Variants in LVRN observed in about 807,000 individuals in gnomAD.
LVRN encodes the protein aminopeptidase Q.
Under a neutral mutation model 111.4 loss-of-function variants are expected in LVRN, and 99 were observed. The observed-to-expected ratio is 0.89, with a 90% CI of 0.76 to 1.05. The LOEUF (loss-of-function observed/expected upper bound fraction) is 1.05, where lower values mean the gene tolerates loss of function less well. Among genes scored for constraint, LVRN ranks in the 50% least tolerant of loss-of-function variants. The pLI is 0.00. For missense variants in LVRN, 1,414 were observed against 1,206.8 expected, an observed-to-expected ratio of 1.17 and a Z score of -2.54; for synonymous variants, 488 against 449.5, an observed-to-expected ratio of 1.09 and a Z score of -1.08.
At position 116,014,448 on chromosome 5, in the gene LVRN, G is replaced by A. The variant is rs769881306; in HGVS notation, c.2371G>A (p.Ala791Thr). 37 of 1,612,610 alleles carry A rather than the reference G, an allele frequency of 2.3e-5. No homozygotes were observed. Among genetic ancestry groups the A allele is most frequent in the Admixed American group, 1.7e-4 (10 of 59,832 alleles). The change falls in exon 16 of 20, where the codon GCG becomes ACG. Residue 791 changes from alanine to threonine, a missense_variant. By Grantham distance (58) the Ala-to-Thr change is moderately conservative. Coordinates refer to ENST00000357872, the MANE Select transcript of LVRN (RefSeq NM_173800.5). ...LISLEKLFVT[A>T]CWLGLEDCLQ... Reference sequence around the variant, plus strand: ...ATCACTGGAAAAACTTTTTGTAACTGCGTGTTGGTTGGGCCTTGAAGACTG... The same window carrying A: ...ATCACTGGAAAAACTTTTTGTAACTACGTGTTGGTTGGGCCTTGAAGACTG...
rs888430430 is a variant in LVRN at position 116,026,452 on chromosome 5, T to G, written c.*334T>G. The G allele has an allele frequency of 1.9e-5, 6 of 324,196 alleles. No individual in the cohort carries two copies. In the East Asian group the frequency reaches 3.5e-4, roughly 19 times the overall value. The allele number at this position is 324,196 out of a possible 1,614,324, so 20.1% of individuals were successfully genotyped here. A position where few individuals can be genotyped will look rare whatever the true frequency, so the allele number is the denominator to read the frequency against. On this transcript the variant is annotated 3_prime_UTR_variant, in exon 20 of 20. Transcript: ENST00000357872. ...TGCGAAGGCCAGTGGAATATAAAAA[T>G]CAATGGCATTAATGAGGAGCACATT...
chr5:116,022,824 T>C (rs941847247), intron 19 of LVRN, among the ~76,000 whole-genome samples: 4 of 152,240 alleles, frequency 2.6e-5, no homozygotes, highest in Non-Finnish European at 5.9e-5. Flanking sequence ...TTTTGAAATA[T>C]TGTGATTAGC....
In LVRN at chr5:115,992,129, T is replaced by C. The variant is rs1189849969; in HGVS notation, c.1112T>C (p.Ile371Thr). The change falls in exon 5 of 20, where the codon ATT (isoleucine) becomes ACT (threonine). Residue 371 changes from isoleucine (I) to threonine (T), a missense_variant. Transcript: ENST00000357872. ...ISYSLPKTDI[I>T]ALPSFDNHAM... ...TCCATTTAAATCCACTTAGATATAA[T>C]TGCCTTGCCTAGTTTTGACAACCAT... 1 of 1,611,576 alleles carries C rather than the reference T, an allele frequency of 6.2e-7. No individual in the cohort carries two copies. The highest frequency in any genetic ancestry group is 1.3e-5 in the African/African-American group (1 of 74,852).
rs749424505 is a variant in LVRN, at chr5:116,015,327, G to C, written c.2526G>C (p.Leu842Phe). ...GAAGTGATAAAGAGTGGGACATCTT[G>C]TTAAATACTTACACTAATACAACAA... ...ALGSDKEWDILLNTYTNTTNK... is the reference protein window; with the variant it reads ...ALGSDKEWDIFLNTYTNTTNK... Residue 842 changes from leucine to phenylalanine, a missense_variant, in exon 17 of 20, where the codon TTG becomes TTC. Leu to Phe is a conservative substitution (Grantham distance 22, BLOSUM62 0). Transcript: ENST00000357872. The C allele has an allele frequency of 1.2e-6, 2 of 1,612,414 alleles. No homozygotes were observed. Among genetic ancestry groups the C allele is most frequent in the East Asian group, 2.2e-5 (1 of 44,790 alleles).
intron 1 of LVRN, among the ~76,000 whole-genome samples, chr5:115,964,719 C>T (rs1031613442): frequency 1.3e-5 from 2 of 152,078 alleles, no homozygotes; most frequent in African/African-American, 4.8e-5. Context: ...AGGGAAGTCC[C>T]GTTCAATTTT....
intron 1 of LVRN, chr5:115,975,054 T>C: frequency 3.1e-6 from 1 of 323,602 alleles, no homozygotes; most frequent in Non-Finnish European, 6.0e-6. Context: ...GTGGTGATCA[T>C]TATATTTGCT....
At chr5:116,013,999 C>T (rs185924113) in intron 15 of LVRN, among the ~76,000 whole-genome samples, 36 of 152,240 alleles carry the variant, frequency 2.4e-4, no homozygotes, top group African/African-American at 8.2e-4. Context: ...ATTCCCTTTC[C>T]CTTTCTTTTA....
intron 4 of LVRN, among the ~76,000 whole-genome samples, chr5:115,988,347 A>T (rs113630731): frequency 7.0e-6 from 1 of 143,232 alleles, no homozygotes. Flanking sequence ...TTTTTTTTTT[A>T]AATATCCATT....
At chr5:116,008,210 G>C (rs765000331) in intron 13 of LVRN, among the ~76,000 whole-genome samples, 1 of 152,134 alleles carries the variant, frequency 6.6e-6, no homozygotes, top group Non-Finnish European at 1.5e-5. Flanking sequence ...CAGGTGTGGT[G>C]GTGGGCACCT....
At chr5:116,004,892 A>T (rs9637900) in intron 12 of LVRN, among the ~76,000 whole-genome samples, 71,539 of 152,018 alleles carry the variant, frequency 0.47, 17,001 homozygotes, top group South Asian at 0.53. Flanking sequence ...AAACAAATTA[A>T]TGGGATTTTG....
At chr5:115,964,475 TG>T (rs1753160943) in intron 1 of LVRN, among the ~76,000 whole-genome samples, 1 of 152,256 alleles carries the variant, frequency 6.6e-6, no homozygotes, top group African/African-American at 2.4e-5. Context: ...AAAATAGTTT[TG>T]AAATTTTCTT....
At chr5:115,991,009 T>C (rs1426302513) in intron 4 of LVRN, among the ~76,000 whole-genome samples, 1 of 152,316 alleles carries the variant, frequency 6.6e-6, no homozygotes, top group East Asian at 1.9e-4. Context: ...ACATCTTGCA[T>C]TGGTGTGGTA....
chr5:115,979,874 A>G (rs1307247807), intron 1 of LVRN, among the ~76,000 whole-genome samples: 2 of 152,226 alleles, frequency 1.3e-5, no homozygotes, highest in African/African-American at 4.8e-5. Context: ...TACAAAGTTC[A>G]TAAAATAATT....
intron 13 of LVRN, 115 bp from the exon 14 acceptor site, chr5:116,010,626 C>T (rs1241096023): frequency 2.5e-5 from 28 of 1,111,702 alleles, no homozygotes; most frequent in Non-Finnish European, 3.6e-5. Context: ...CGTTTCTTGA[C>T]TTATTCACAT....
Position 116,010,749 on chromosome 5 carries a change from A to G in LVRN, c.2102A>G (p.Tyr701Cys). Reference protein sequence around the residue: ...DDAFSLSKNNYIEIETALELT... With the variant: ...DDAFSLSKNNCIEIETALELT... ...GTTTTTAAATCAAACAGAAACAATT[A>G]TATTGAGATTGAAACAGCACTTGAG... is the stretch of plus-strand genomic sequence containing the variant. Residue 701 changes from tyrosine to cysteine, a missense_variant, in exon 14 of 20, where the codon TAT becomes TGT. Tyr to Cys is a radical substitution (Grantham distance 194). Coordinates refer to ENST00000357872, the MANE Select transcript of LVRN (RefSeq NM_173800.5). 2 of 1,595,186 alleles carry G rather than the reference A, an allele frequency of 1.3e-6. No individual in the cohort carries two copies. Among genetic ancestry groups the G allele is most frequent in the Non-Finnish European group, 1.7e-6 (2 of 1,172,738 alleles).
At chr5:115,993,102 G>C (rs2112585905) in intron 5 of LVRN, among the ~76,000 whole-genome samples, 1 of 152,136 alleles carries the variant, frequency 6.6e-6, no homozygotes, top group Middle Eastern at 3.4e-3. Context: ...AGTAATTATA[G>C]CTGTTATAAG....
intron 1 of LVRN, among the ~76,000 whole-genome samples, chr5:115,979,051 C>G (rs540181787): frequency 6.6e-6 from 1 of 152,252 alleles, no homozygotes; most frequent in African/African-American, 2.4e-5. Context: ...AGCAGCGTAT[C>G]TCAAAGCTCC....
chr5:116,020,679 TG>T (rs1009576225), intron 18 of LVRN, among the ~76,000 whole-genome samples: 3 of 152,110 alleles, frequency 2.0e-5, no homozygotes, highest in African/African-American at 7.2e-5. Flanking sequence ...GTCCAAGCAC[TG>T]GGGGGCCTGT....
In LVRN at chr5:115,992,268, T is replaced by C. The variant is rs1748013902; in HGVS notation, c.1251T>C (p.Ile417=). 6.2e-7 allele frequency: 1 copy of C among 1,613,790 alleles called. No homozygotes were observed. Among genetic ancestry groups the C allele is most frequent in the Non-Finnish European group, 8.5e-7 (1 of 1,179,864 alleles). ...TLISYVVSHE[I]GHQWFGNLVT... is the part of the protein sequence containing the mutation. ...TCTCCTATGTTGTCTCCCACGAGAT[T>C]GGACACCAGGCATGTGGTAAAATGT... is the stretch of plus-strand genomic sequence containing the variant. Residue 417 remains isoleucine (I), a synonymous_variant, in exon 5 of 20, where the codon ATT becomes ATC. Transcript: ENST00000357872.
Sources: allele counts gnomAD v4.1 joint callset (sites outside exome capture counted in the v4.1 genomes callset), GRCh38; gene constraint gnomAD v4.1.1; transcripts MANE v1.5; gene names NCBI Gene and HGNC (gene_info 2026-07-23, HGNC 2026-07-21).